The following KAT6B variants were observed in gnomAD, a reference collection of about 807,000 sequenced individuals.
KAT6B encodes lysine acetyltransferase 6B, also known as histone acetyltransferase KAT6B.
Under a neutral mutation model 187.5 loss-of-function variants are expected in KAT6B, and 10 were observed. That is an observed-to-expected ratio of 0.05 (90% CI 0.03 to 0.09). KAT6B has a LOEUF of 0.09. KAT6B is among the 10% of genes least tolerant of loss of function. KAT6B has a pLI of 1.00. For synonymous variants in KAT6B, 861 were observed against 926.8 expected, an observed-to-expected ratio of 0.93 and a Z score of 1.29; for missense variants, 1,952 against 2,558.9, an observed-to-expected ratio of 0.76 and a Z score of 5.12.
At chr10:74,859,564 T>C (rs907967962) in intron 3 of KAT6B, among the ~76,000 whole-genome samples, 8 of 152,232 alleles carry the variant, frequency 5.3e-5, no homozygotes, top group African/African-American at 1.9e-4. Flanking sequence ...CTAGAATTCT[T>C]CATTTTATTT....
At chr10:74,938,530 A>ATT (rs1849425960) in intron 3 of KAT6B, among the ~76,000 whole-genome samples, 1 of 152,078 alleles carries the variant, frequency 6.6e-6, no homozygotes, top group African/African-American at 2.4e-5. Context: ...CAATACTGAT[A>ATT]TTTTACCTGT....
chr10:75,005,142 G>A (rs1205837079), intron 13 of KAT6B, among the ~76,000 whole-genome samples: 2 of 151,864 alleles, frequency 1.3e-5, no homozygotes, highest in Admixed American at 6.6e-5. Flanking sequence ...GAGACATTAT[G>A]TTTGAGATAG....
upstream of KAT6B, among the ~76,000 whole-genome samples, chr10:74,826,396 A>G (rs543816343): frequency 1.1e-3 from 168 of 150,110 alleles, no homozygotes; most frequent in Non-Finnish European, 2.2e-3. Flanking sequence ...GGAGGGGGGG[A>G]TGATGGGTCG....
At chr10:75,017,624 A>C (rs1290505717) in intron 13 of KAT6B, among the ~76,000 whole-genome samples, 1 of 152,146 alleles carries the variant, frequency 6.6e-6, no homozygotes, top group African/African-American at 2.4e-5. Context: ...AAAAAAAAAA[A>C]GTACAAAGAA....
At position 75,031,186 on chromosome 10, in the gene KAT6B, A is replaced by G; in HGVS notation, c.*140A>G. On this transcript the variant is annotated 3_prime_UTR_variant, in exon 18 of 18. Coordinates refer to ENST00000287239, the MANE Select transcript of KAT6B (RefSeq NM_012330.4). ...GTTGGCACCATTTATTTAAAAAAAA[A>G]AAAAGCTGTATGCAGCAGAAAGCCT... 1 of 1,039,200 alleles carries G rather than the reference A, an allele frequency of 9.6e-7. No homozygotes were observed. Among genetic ancestry groups the G allele is most frequent in the South Asian group, 1.5e-5 (1 of 68,012 alleles). The allele number at this position is 1,039,200 out of a possible 1,614,324, so 64.4% of individuals were successfully genotyped here.
intron 13 of KAT6B, among the ~76,000 whole-genome samples, chr10:75,009,007 AGC>A (rs1429662374): frequency 1.3e-5 from 2 of 152,168 alleles, no homozygotes; most frequent in Non-Finnish European, 2.9e-5. Context: ...TCAGTTCTCA[AGC>A]AGGGTAATTA....
At chr10:74,977,465 G>A (rs764097976) in intron 9 of KAT6B, 28 bp downstream of exon 9, 1 of 1,612,420 alleles carries the variant, frequency 6.2e-7, no homozygotes, top group Admixed American at 1.7e-5. Context: ...CATTGTAGTA[G>A]CAAGTATAAG....
rs185203011 is a variant in KAT6B at position 75,008,299 on chromosome 10, G to A, written c.2630-12283G>A. Among the ~76,000 whole-genome samples, 807 of 152,298 alleles carry A rather than the reference G, an allele frequency of 5.3e-3. 9 individuals carry two copies. Among genetic ancestry groups the A allele is most frequent in the African/African-American group, 0.019 (770 of 41,566 alleles). ...CAGCAGACACTGTAAGATGTGTACA[G>A]GAAAATTGCTCTTTCCTCCTCCTAG... On this transcript the variant is annotated intron_variant, in intron 13 of 17. Transcript: ENST00000287239.
intron 3 of KAT6B, among the ~76,000 whole-genome samples, chr10:74,959,338 C>T (rs140073847): frequency 4.6e-5 from 7 of 152,048 alleles, no homozygotes; most frequent in East Asian, 1.9e-4. Flanking sequence ...TAATGCTGAA[C>T]GAATAATTTA....
At chr10:74,991,471 C>A (rs1384997977) in intron 13 of KAT6B, among the ~76,000 whole-genome samples, 2 of 151,976 alleles carry the variant, frequency 1.3e-5, no homozygotes, top group African/African-American at 4.8e-5. Flanking sequence ...AATGCTATGT[C>A]TTTTTTTTAA....
At chr10:74,874,397 C>T (rs776587115) in intron 3 of KAT6B, among the ~76,000 whole-genome samples, 23 of 151,748 alleles carry the variant, frequency 1.5e-4, no homozygotes, top group Admixed American at 2.6e-4. Flanking sequence ...TTTCTTTTTC[C>T]GAGACAGAGT....
intron 6 of KAT6B, 71 bp downstream of exon 6, chr10:74,970,172 C>T: frequency 8.7e-7 from 1 of 1,151,368 alleles, no homozygotes; most frequent in South Asian, 1.3e-5. Flanking sequence ...GGTCTGACAG[C>T]TCAGAGGTAT....
chr10:75,011,942 C>G (rs956548162), intron 13 of KAT6B, among the ~76,000 whole-genome samples: 1 of 152,086 alleles, frequency 6.6e-6, no homozygotes. Context: ...TGTGAGGTGG[C>G]AAAAATGAAG....
At chr10:74,888,149 C>A (rs890016260) in intron 3 of KAT6B, among the ~76,000 whole-genome samples, 7 of 152,164 alleles carry the variant, frequency 4.6e-5, no homozygotes, top group African/African-American at 1.4e-4. Context: ...CAAGCACTGC[C>A]AGGCCAGAAC....
At chr10:74,852,366 C>G (rs1842530516) in intron 3 of KAT6B, among the ~76,000 whole-genome samples, 1 of 152,084 alleles carries the variant, frequency 6.6e-6, no homozygotes, top group Non-Finnish European at 1.5e-5. Context: ...CAGACAGAAA[C>G]CTATTGTAAT....
intron 9 of KAT6B, 149 bp downstream of exon 9, chr10:74,977,586 AC>A: frequency 9.7e-7 from 1 of 1,031,978 alleles, no homozygotes; most frequent in Non-Finnish European, 1.5e-6. Flanking sequence ...TACTGACTGT[AC>A]ATTCAAAAGC....
At chr10:74,874,935 C>G (rs1844298500) in intron 3 of KAT6B, among the ~76,000 whole-genome samples, 1 of 151,968 alleles carries the variant, frequency 6.6e-6, no homozygotes, top group Non-Finnish European at 1.5e-5. Flanking sequence ...CTCATGTACT[C>G]CCTACCCCTA....
At chr10:74,887,095 C>A (rs1009351266) in intron 3 of KAT6B, among the ~76,000 whole-genome samples, 1 of 152,168 alleles carries the variant, frequency 6.6e-6, no homozygotes, top group Admixed American at 6.5e-5. Flanking sequence ...GCAGGGACTA[C>A]ACCTTGGCAT....
Position 74,874,300 on chromosome 10 carries a change from T to C in KAT6B, c.621+30822T>C, listed in dbSNP as rs77867343. On this transcript the variant is annotated intron_variant, in intron 3 of 17. Coordinates refer to ENST00000287239, the MANE Select transcript of KAT6B (RefSeq NM_012330.4). ...CTTGGGTGGTTACTGTAGGTTGTCA[T>C]ATGTTGTTTATTTCTTCAGTGACTG... 2.4e-4 allele frequency among the ~76,000 whole-genome samples: 36 copies of C among 152,324 alleles called. 1 individual carries two copies. In the East Asian group the frequency reaches 6.9e-3, roughly 29 times the overall value.
Sources: allele counts gnomAD v4.1 joint callset (sites outside exome capture counted in the v4.1 genomes callset), GRCh38; gene constraint gnomAD v4.1.1; transcripts MANE v1.5; gene names NCBI Gene and HGNC (gene_info 2026-07-23, HGNC 2026-07-21).